TEP1: variants seen among roughly 807,000 people sequenced by gnomAD.
TEP1 encodes the protein telomerase protein component 1.
Under a neutral mutation model 306.3 loss-of-function variants are expected in TEP1, and 241 were observed. That is an observed-to-expected ratio of 0.79 (90% confidence interval 0.71 to 0.88). The LOEUF (loss-of-function observed/expected upper bound fraction) is 0.88, where lower values mean the gene tolerates loss of function less well. Among genes scored for constraint, TEP1 ranks in the 40% least tolerant of loss-of-function variants. The pLI is 0.00. For synonymous variants in TEP1, 1,289 were observed against 1,305.5 expected (o/e 0.99, Z 0.27); for missense variants, 3,051 against 3,276.1 (o/e 0.93, Z 1.68).
At chr14:20,375,925 G>A (rs1044382560) in intron 42 of TEP1, 57 bp from the exon 43 acceptor site, 10 of 1,521,258 alleles carry the variant, frequency 6.6e-6, no homozygotes, top group Admixed American at 1.7e-5. Context: ...TGGGAACCCC[G>A]GAGCCATTTC....
rs1566441401 is a variant in TEP1, at chr14:20,373,752, C to T, written c.6530G>A (p.Gly2177Asp). 6.2e-7 allele frequency: 1 copy of T among 1,614,156 alleles called. No individual in the cohort carries two copies. Among genetic ancestry groups the T allele is most frequent in the East Asian group, 2.2e-5 (1 of 44,884 alleles). ...DGTLKVWDHQ[G>D]VELTSIPAHS... ...AGCAGGGATGCTGGTCAGCTCCACG[C>T]CTTGATGGTCCCACACTTTCAAGGT... Residue 2177 changes from glycine to aspartate, a missense_variant, in exon 45 of 55, where the codon GGC becomes GAC. By Grantham distance (94) the Gly-to-Asp change is moderately conservative (BLOSUM62 -1). Coordinates refer to ENST00000262715, the MANE Select transcript of TEP1 (RefSeq NM_007110.5).
intron 35 of TEP1, 48 bp downstream of exon 35, chr14:20,379,882 T>C (rs1885423880): frequency 3.2e-6 from 5 of 1,578,476 alleles, no homozygotes; most frequent in Non-Finnish European, 4.3e-6. Context: ...CAGGGCAGTC[T>C]GCATGGATTT....
chr14:20,395,630 G>C lies in TEP1; in HGVS notation c.1751-3C>G, dbSNP rs1029418850. The C allele has an allele frequency of 1.3e-6, 2 of 1,589,628 alleles. No individual in the cohort carries two copies. The highest frequency in any genetic ancestry group is 1.3e-5 in the African/African-American group (1 of 74,416). On this transcript the variant is annotated splice_region_variant and splice_polypyrimidine_tract_variant and intron_variant, in intron 11 of 54. Coordinates refer to ENST00000262715, the MANE Select transcript of TEP1 (RefSeq NM_007110.5). ...TATATTCGAAGGAAAGGGCAATGCT[G>C]TATGATGACAGGTAAATTTCCGAGT...
intron 53 of TEP1, 69 bp downstream of exon 53, chr14:20,369,275 T>C (rs908423647): frequency 7.8e-6 from 12 of 1,541,498 alleles, no homozygotes; most frequent in South Asian, 1.1e-5. Flanking sequence ...CCCAAAGTGC[T>C]GGGATTATAG....
At chr14:20,404,572 T>C in intron 5 of TEP1, 39 bp downstream of exon 5, 2 of 1,586,956 alleles carry the variant, frequency 1.3e-6, no homozygotes, top group Non-Finnish European at 1.7e-6. Context: ...AGAGAAGGAA[T>C]GAAGTGAAGG....
chr14:20,394,464 GC>G, intron 12 of TEP1, among the ~76,000 whole-genome samples: 1 of 145,672 alleles, frequency 6.9e-6, no homozygotes, highest in East Asian at 2.0e-4. Context: ...ATTTGGACTG[GC>G]CCCTTGGGCT....
Position 20,396,064 on chromosome 14 carries a change from C to T in TEP1, c.1660-115G>A, listed in dbSNP as rs767042618. The T allele has an allele frequency of 1.9e-5, 12 of 632,548 alleles. No individual in the cohort carries two copies. In the East Asian group the frequency reaches 3.2e-4, roughly 17 times the overall value. The allele number at this position is 632,548 out of a possible 1,614,324, so 39.2% of individuals were successfully genotyped here. On this transcript the variant is annotated intron_variant, in intron 10 of 54. Coordinates refer to ENST00000262715, the MANE Select transcript of TEP1 (RefSeq NM_007110.5). ...TACAGAAGGACAAAATGAACTTAGA[C>T]AAGAGATATAGAAAAGGGGTAATAA...
rs760414666 is a variant in TEP1 at position 20,401,034 on chromosome 14, C to T, written c.1499G>A (p.Arg500Gln). 13 of 1,614,090 alleles carry T rather than the reference C, an allele frequency of 8.1e-6. No homozygotes were observed. Among genetic ancestry groups the T allele is most frequent in the African/African-American group, 4.0e-5 (3 of 74,934 alleles). ...TTTGTTCCCCCGTAGGCTCAGCTCC[C>T]GCTCCCAGGTCTCTGGCCTAGACAG... ...MKLSRPETWE[R>Q]ELSLRGNKAS... is the part of the protein sequence containing the mutation. Residue 500 changes from arginine (R) to glutamine (Q), a missense_variant, in exon 9 of 55, where the codon CGG (arginine) becomes CAG (glutamine). Physicochemically the swap from Arg to Gln is conservative, Grantham distance 43. This residue lies in a region of TEP1 where 1,507 missense variants were observed against 1,550.5 expected (regional missense o/e 0.97). Coordinates refer to ENST00000262715, the MANE Select transcript of TEP1 (RefSeq NM_007110.5).
At chr14:20,411,227 C>G (rs1199201877) in intron 1 of TEP1, among the ~76,000 whole-genome samples, 2 of 152,228 alleles carry the variant, frequency 1.3e-5, no homozygotes, top group Non-Finnish European at 2.9e-5. Context: ...CCGGTCACCT[C>G]CCAGCATCAT....
intron 5 of TEP1, among the ~76,000 whole-genome samples, chr14:20,404,212 A>G (rs996543450): frequency 1.3e-5 from 2 of 152,024 alleles, no homozygotes; most frequent in African/African-American, 4.8e-5. Context: ...AAAATTAGCC[A>G]GGCGTGGTGG....
Position 20,400,181 on chromosome 14 carries a change from G to A in TEP1, c.1549+803C>T, listed in dbSNP as rs370193090. On this transcript the variant is annotated intron_variant, in intron 9 of 54. Transcript: ENST00000262715. Reference sequence around the variant, plus strand: ...AAAAAAAGAATTATCTACATATACCGGCTTCTATCCAGGCCCCTTTATTCT... The same window carrying A: ...AAAAAAAGAATTATCTACATATACCAGCTTCTATCCAGGCCCCTTTATTCT... Among the ~76,000 whole-genome samples, 42 of 149,288 alleles carry A rather than the reference G, an allele frequency of 2.8e-4. 1 individual carries two copies. Among genetic ancestry groups the A allele is most frequent in the East Asian group, 1.6e-3 (8 of 5,146 alleles).
chr14:20,369,819 G>C (rs781166168), intron 51 of TEP1, 40 bp from the exon 52 acceptor site: 1 of 1,513,520 alleles, frequency 6.6e-7, no homozygotes, highest in South Asian at 1.1e-5. Flanking sequence ...CTACCCATAT[G>C]AGTCAACTTG....
chr14:20,367,529 G>A lies in TEP1; in HGVS notation c.*908C>T, dbSNP rs534946326. ...AATGCCAATTACCATATTGACTAAA[G>A]TTGAAAGTCGTGTCAGAAGTTGGGA... On this transcript the variant is annotated 3_prime_UTR_variant, in exon 55 of 55. Transcript: ENST00000262715. 12 of 152,070 alleles carry A rather than the reference G, an allele frequency of 7.9e-5. No homozygotes were observed. In the East Asian group the frequency reaches 2.3e-3, roughly 29 times the overall value. The allele number at this position is 152,070 out of a possible 1,614,324, so 9.4% of individuals were successfully genotyped here.
At chr14:20,411,922 G>T (rs1879707750) in intron 1 of TEP1, among the ~76,000 whole-genome samples, 1 of 151,636 alleles carries the variant, frequency 6.6e-6, no homozygotes, top group African/African-American at 2.4e-5. Context: ...AGACCAGCCT[G>T]GGCAACATAG....
chr14:20,404,853 G>A lies in TEP1; in HGVS notation c.871-81C>T, dbSNP rs1879049992. The A allele has an allele frequency of 4.0e-6, 6 of 1,486,536 alleles. No homozygotes were observed. The South Asian group carries it at 6.8e-5, about 17-fold the overall frequency. 92.1% of individuals were successfully genotyped at this position (1,486,536 alleles called of 1,614,324 possible). On this transcript the variant is annotated intron_variant, in intron 4 of 54. Transcript: ENST00000262715. Reference sequence around the variant, plus strand: ...CCCTGAAATTACTTGCTGATTGAGTGTGCCTGTATAAAACCTTTCCTGAGC... The same window carrying A: ...CCCTGAAATTACTTGCTGATTGAGTATGCCTGTATAAAACCTTTCCTGAGC...
In TEP1 at chr14:20,384,502, G is replaced by C. The variant is rs1876941658; in HGVS notation, c.3228C>G (p.Pro1076=). Residue 1076 remains proline (P), a synonymous_variant, in exon 23 of 55, where the codon CCC becomes CCG. Coordinates refer to ENST00000262715, the MANE Select transcript of TEP1 (RefSeq NM_007110.5). ...CAGCTGCCACACCCCCCCACTCACA[G>C]GGGTATCTGTGGGCAAATCAAGCAC... ...RQKGITCRRY[P]CEWGGVAAGR... is the part of the protein sequence containing the mutation. The C allele has an allele frequency of 1.2e-6, 2 of 1,613,936 alleles. No individual in the cohort carries two copies. The highest frequency in any genetic ancestry group is 2.2e-5 in the South Asian group (2 of 91,082).
At chr14:20,393,732 C>A (rs370253145) in intron 12 of TEP1, among the ~76,000 whole-genome samples, 24 of 151,144 alleles carry the variant, frequency 1.6e-4, no homozygotes, top group African/African-American at 5.8e-4. Flanking sequence ...GCAGGGGTTG[C>A]AGTGAGCTGA....
Position 20,369,656 on chromosome 14 carries a change from C to A in TEP1, c.7423+18G>T. 1 of 1,613,368 alleles carries A rather than the reference C, an allele frequency of 6.2e-7. No homozygotes were observed. Among genetic ancestry groups the A allele is most frequent in the South Asian group, 1.1e-5 (1 of 91,042 alleles). ...TGGGCCATCTCCCGGCTCCTCAGGT[C>A]CTCCTGTTACCACTCACCAGATTCA... On this transcript the variant is annotated intron_variant, in intron 52 of 54. Coordinates refer to ENST00000262715, the MANE Select transcript of TEP1 (RefSeq NM_007110.5).
At chr14:20,387,414 T>C (rs1485061064) in intron 18 of TEP1, among the ~76,000 whole-genome samples, 1 of 149,194 alleles carries the variant, frequency 6.7e-6, no homozygotes, top group African/African-American at 2.5e-5. Context: ...TAGCCGGGCA[T>C]GGTGGCAGGC....
Sources: allele counts gnomAD v4.1 joint callset (sites outside exome capture counted in the v4.1 genomes callset), GRCh38; gene constraint gnomAD v4.1.1; regional missense constraint gnomAD v4.1.1; transcripts MANE v1.5; gene names NCBI Gene and HGNC (gene_info 2026-07-23, HGNC 2026-07-21).